Variants in EPB41L4A observed in about 807,000 individuals in gnomAD.
EPB41L4A encodes the protein band 4.1-like protein 4A.
Under a neutral mutation model 108.6 loss-of-function variants are expected in EPB41L4A, and 100 were observed. That is an observed-to-expected ratio of 0.92 (90% CI 0.78 to 1.09). The LOEUF is 1.09. EPB41L4A is among the 50% of genes least tolerant of loss of function. The probability of loss-of-function intolerance (pLI) is 0.00; values close to 1 mark genes in which losing one functional copy is unlikely to be tolerated. For missense variants in EPB41L4A, 1,030 were observed against 842.7 expected, an observed-to-expected ratio of 1.22 and a Z score of -2.75; for synonymous variants, 319 against 289.0, an observed-to-expected ratio of 1.10 and a Z score of -1.05.
intron 17 of EPB41L4A, among the ~76,000 whole-genome samples, chr5:112,194,210 T>C (rs17134223): frequency 0.05 from 7,656 of 152,162 alleles, 493 homozygotes; most frequent in African/African-American, 0.15. Flanking sequence ...GGGTAAAATA[T>C]AGTAATGCCA....
intron 9 of EPB41L4A, among the ~76,000 whole-genome samples, chr5:112,256,508 A>T (rs1055559671): frequency 6.6e-6 from 1 of 152,200 alleles, no homozygotes; most frequent in Non-Finnish European, 1.5e-5. Flanking sequence ...GATATGAGAT[A>T]AATAAAATTC....
At chr5:112,191,276 C>T (rs528759845) in intron 17 of EPB41L4A, among the ~76,000 whole-genome samples, 1 of 152,154 alleles carries the variant, frequency 6.6e-6, no homozygotes, top group Non-Finnish European at 1.5e-5. Context: ...TGAAGCCCTA[C>T]AGTTAGGGCA....
At chr5:112,215,343 A>G (rs1351101073) in intron 12 of EPB41L4A, among the ~76,000 whole-genome samples, 1 of 152,264 alleles carries the variant, frequency 6.6e-6, no homozygotes, top group Non-Finnish European at 1.5e-5. Context: ...AGTTATTGAC[A>G]TATGGCTATT....
At chr5:112,354,848 T>C (rs1758272511) in intron 1 of EPB41L4A, among the ~76,000 whole-genome samples, 1 of 152,336 alleles carries the variant, frequency 6.6e-6, no homozygotes, top group South Asian at 2.1e-4. Flanking sequence ...CTAGAAAACC[T>C]ATTTAATTTG....
chr5:112,247,385 C>T (rs773079143), intron 9 of EPB41L4A, among the ~76,000 whole-genome samples: 3 of 152,126 alleles, frequency 2.0e-5, no homozygotes, highest in Non-Finnish European at 2.9e-5. Context: ...CCAGGACAGG[C>T]TACCCCTGCC....
chr5:112,303,407 A>T (rs949937274), intron 2 of EPB41L4A, among the ~76,000 whole-genome samples: 2 of 152,188 alleles, frequency 1.3e-5, no homozygotes, highest in African/African-American at 4.8e-5. Context: ...ATTATCTCAG[A>T]GGTAAACAGT....
At chr5:112,388,697 C>T (rs1424987028) in intron 1 of EPB41L4A, among the ~76,000 whole-genome samples, 1 of 152,230 alleles carries the variant, frequency 6.6e-6, no homozygotes, top group Non-Finnish European at 1.5e-5. Context: ...CTGGTCCAGG[C>T]TTCCCATCCA....
intron 1 of EPB41L4A, among the ~76,000 whole-genome samples, chr5:112,407,600 C>T (rs756880704): frequency 3.3e-5 from 5 of 152,158 alleles, no homozygotes; most frequent in Non-Finnish European, 5.9e-5. Flanking sequence ...ACATCTTCAC[C>T]TGTCAAACCT....
chr5:112,195,056 G>C (rs1375322714), intron 16 of EPB41L4A, among the ~76,000 whole-genome samples: 1 of 152,016 alleles, frequency 6.6e-6, no homozygotes, highest in Admixed American at 6.6e-5. Flanking sequence ...AATTTACACT[G>C]GTCTTGTGAC....
At chr5:112,154,072 T>C (rs1759566735) in intron 12 of EPB41L4A, among the ~76,000 whole-genome samples, 1 of 152,208 alleles carries the variant, frequency 6.6e-6, no homozygotes, top group South Asian at 2.1e-4. Flanking sequence ...TATTGGGAAG[T>C]ACTGTAATAA....
At chr5:112,222,817 G>C (rs1004766823) in intron 12 of EPB41L4A, among the ~76,000 whole-genome samples, 3 of 152,154 alleles carry the variant, frequency 2.0e-5, no homozygotes, top group Non-Finnish European at 2.9e-5. Context: ...CAGGAGAGAA[G>C]AGAGGAGCAA....
At chr5:112,227,278 C>T (rs916686037) in intron 12 of EPB41L4A, among the ~76,000 whole-genome samples, 3 of 152,170 alleles carry the variant, frequency 2.0e-5, no homozygotes, top group African/African-American at 7.2e-5. Flanking sequence ...CAAAAGCCCA[C>T]AGCACCTCAA....
intron 14 of EPB41L4A, 56 bp downstream of exon 14, chr5:112,205,365 G>A: frequency 4.3e-6 from 6 of 1,396,120 alleles, no homozygotes; most frequent in Middle Eastern, 1.8e-4. Context: ...TCAATGAGCT[G>A]CATGTACTAA....
intron 2 of EPB41L4A, among the ~76,000 whole-genome samples, chr5:112,304,678 T>C (rs1754574403): frequency 1.3e-5 from 2 of 152,266 alleles, no homozygotes; most frequent in South Asian, 4.1e-4. Flanking sequence ...TTCATTCCGC[T>C]GATATCACCA....
At chr5:112,211,231 C>A (rs1334421148) in intron 12 of EPB41L4A, among the ~76,000 whole-genome samples, 1 of 152,128 alleles carries the variant, frequency 6.6e-6, no homozygotes. Flanking sequence ...ACCTGTGGCC[C>A]CACAAGCAGC....
At chr5:112,168,555 AG>A (rs1195994756) in intron 22 of EPB41L4A, among the ~76,000 whole-genome samples, 183 bp downstream of exon 22, 2 of 152,192 alleles carry the variant, frequency 1.3e-5, no homozygotes, top group Non-Finnish European at 2.9e-5. Flanking sequence ...AGATTGTGCC[AG>A]GGTTCTTGAT....
intron 14 of EPB41L4A, 35 bp downstream of exon 14, chr5:112,205,386 A>T: frequency 6.4e-7 from 1 of 1,552,208 alleles, no homozygotes. Context: ...CCCCTTTTCT[A>T]CTGTCTCCTT....
At chr5:112,173,030 C>G (rs537788018) in intron 18 of EPB41L4A, among the ~76,000 whole-genome samples, 5 of 152,156 alleles carry the variant, frequency 3.3e-5, no homozygotes, top group Non-Finnish European at 7.3e-5. Context: ...TAGACAATGT[C>G]CCCTTGGAAG....
intron 17 of EPB41L4A, among the ~76,000 whole-genome samples, chr5:112,184,664 T>G (rs1157715609): frequency 6.6e-6 from 1 of 152,166 alleles, no homozygotes; most frequent in African/African-American, 2.4e-5. Flanking sequence ...ATGCATTAGC[T>G]GAATAAGACA....
Sources: allele counts gnomAD v4.1 joint callset (sites outside exome capture counted in the v4.1 genomes callset), GRCh38; gene constraint gnomAD v4.1.1; transcripts MANE v1.5; gene names NCBI Gene and HGNC (gene_info 2026-07-23, HGNC 2026-07-21).